RANBP2: variants seen among roughly 807,000 people sequenced by gnomAD.
RANBP2 encodes E3 SUMO-protein ligase RanBP2.
A neutral mutation model predicts 303.6 loss-of-function variants in RANBP2; 57 were observed. That is an observed-to-expected ratio of 0.19 (90% CI 0.15 to 0.23). RANBP2 has a LOEUF of 0.23. RANBP2 is among the 10% of genes least tolerant of loss of function. RANBP2 has a pLI of 1.00. For missense variants in RANBP2, 3,138 were observed against 3,780.8 expected (o/e 0.83, Z 4.46); for synonymous variants, 1,167 against 1,301.5 (o/e 0.90, Z 2.23).
the RANBP2 span, among the ~76,000 whole-genome samples, chr2:109,203,226 C>T: frequency 4.8e-3 from 728 of 152,300 alleles, 4 homozygotes; most frequent in Non-Finnish European, 8.9e-3. Flanking sequence ...CCAGGAGCCT[C>T]TTCAGAGAGC....
rs751767647 is a variant in RANBP2 at position 108,766,517 on chromosome 2, C to G, written c.5978C>G (p.Ser1993Cys). 6.2e-7 allele frequency: 1 copy of G among 1,611,916 alleles called. No individual in the cohort carries two copies. The highest frequency in any genetic ancestry group is 1.3e-5 in the African/African-American group (1 of 74,938). Reference protein sequence around the residue: ...YGKMANKANTSGDFEKDDDAY... With the variant: ...YGKMANKANTCGDFEKDDDAY... ...AAAATGGCCAATAAAGCAAACACTT[C>G]CGGTGACTTTGAGAAAGATGATGAT... The change falls in exon 20 of 29, where the codon TCC becomes TGC. Residue 1993 changes from serine to cysteine, a missense_variant. Physicochemically the swap from Ser to Cys is moderately radical, Grantham distance 112. Transcript: ENST00000283195.
the RANBP2 span, among the ~76,000 whole-genome samples, chr2:109,711,485 C>G: frequency 6.6e-6 from 1 of 152,182 alleles, no homozygotes; most frequent in Non-Finnish European, 1.5e-5. Context: ...TCTTGTTTCA[C>G]AAGCCTCCAG....
chr2:108,966,297 T>A, the RANBP2 span, among the ~76,000 whole-genome samples: 3 of 152,222 alleles, frequency 2.0e-5, no homozygotes, highest in Non-Finnish European at 2.9e-5. Flanking sequence ...AGTCAGATGA[T>A]CTTTGCAATT....
the RANBP2 span, among the ~76,000 whole-genome samples, chr2:109,063,543 C>T: frequency 5.3e-5 from 8 of 152,250 alleles, no homozygotes; most frequent in Non-Finnish European, 1.2e-4. Flanking sequence ...GCTCCACAGG[C>T]GCGACAGGGA....
At chr2:109,508,063 C>T in the RANBP2 span, among the ~76,000 whole-genome samples, 1 of 152,126 alleles carries the variant, frequency 6.6e-6, no homozygotes, top group Non-Finnish European at 1.5e-5. Context: ...CTGCCCTCCA[C>T]GTGGCTCCTT....
chr2:109,449,512 G>A, the RANBP2 span: 3 of 1,609,196 alleles, frequency 1.9e-6, no homozygotes, highest in Non-Finnish European at 2.5e-6. Flanking sequence ...TCCTGGACGA[G>A]CCCTGGGCTC....
chr2:108,910,521 T>G, the RANBP2 span: 1 of 1,613,496 alleles, frequency 6.2e-7, no homozygotes, highest in South Asian at 1.1e-5. Context: ...TCGGAGAACA[T>G]CACCACGTTG....
chr2:109,615,031 A>G, the RANBP2 span: 3 of 1,547,740 alleles, frequency 1.9e-6, no homozygotes, highest in Non-Finnish European at 2.6e-6. Flanking sequence ...CTCCCGCCAC[A>G]TGGCTGCGAG....
the RANBP2 span, among the ~76,000 whole-genome samples, chr2:109,670,393 T>C: frequency 1.3e-5 from 2 of 150,718 alleles, no homozygotes; most frequent in Non-Finnish European, 3.0e-5. Flanking sequence ...GGGGATACTA[T>C]CTGGGGTTGC....
At chr2:109,113,096 AG>A in the RANBP2 span, among the ~76,000 whole-genome samples, 1 of 152,160 alleles carries the variant, frequency 6.6e-6, no homozygotes, top group African/African-American at 2.4e-5. Context: ...CTTTTGGCTT[AG>A]GATTGACTTG....
chr2:109,271,400 T>A, the RANBP2 span, among the ~76,000 whole-genome samples: 6 of 152,176 alleles, frequency 3.9e-5, no homozygotes, highest in East Asian at 1.2e-3. Context: ...AACTGTAGAG[T>A]AAAAACATTT....
intron 23 of RANBP2, among the ~76,000 whole-genome samples, chr2:108,774,961 G>A (rs927115341): frequency 6.6e-6 from 1 of 151,792 alleles, no homozygotes; most frequent in Non-Finnish European, 1.5e-5. Flanking sequence ...CAAAGTGCTG[G>A]GATTGCAGGC....
chr2:108,757,537 A>C (rs1400226690), intron 17 of RANBP2, among the ~76,000 whole-genome samples: 2 of 152,248 alleles, frequency 1.3e-5, no homozygotes, highest in East Asian at 3.8e-4. Flanking sequence ...AATTCTCTGC[A>C]GCTACTACTT....
chr2:108,802,836 T>C, the RANBP2 span, among the ~76,000 whole-genome samples: 1 of 152,194 alleles, frequency 6.6e-6, no homozygotes, highest in Non-Finnish European at 1.5e-5. Context: ...GTTTTCAGCA[T>C]GAAGGGTTGT....
the RANBP2 span, among the ~76,000 whole-genome samples, chr2:108,795,086 A>T: frequency 6.6e-6 from 1 of 150,906 alleles, no homozygotes; most frequent in Admixed American, 6.6e-5. Flanking sequence ...GTCAACTCTC[A>T]TCAAAATTGA....
At chr2:109,508,962 TTC>T in the RANBP2 span, among the ~76,000 whole-genome samples, 1 of 152,202 alleles carries the variant, frequency 6.6e-6, no homozygotes, top group Admixed American at 6.5e-5. Context: ...CCCAGAGCGC[TTC>T]CTCTGGACGT....
At chr2:109,589,276 TA>T in the RANBP2 span, among the ~76,000 whole-genome samples, 1 of 152,072 alleles carries the variant, frequency 6.6e-6, no homozygotes. Flanking sequence ...CTCATGCCTA[TA>T]ATCTCAGCAC....
At chr2:109,297,255 T>C in the RANBP2 span, among the ~76,000 whole-genome samples, 31 of 152,062 alleles carry the variant, frequency 2.0e-4, no homozygotes, top group African/African-American at 7.5e-4. Context: ...ATCATCATCG[T>C]CATCACTGTT....
chr2:109,635,896 A>C, the RANBP2 span, among the ~76,000 whole-genome samples: 2 of 152,238 alleles, frequency 1.3e-5, no homozygotes, highest in African/African-American at 4.8e-5. Context: ...GTGCTATGGC[A>C]TGAATGTTGG....
Sources: allele counts gnomAD v4.1 joint callset (sites outside exome capture counted in the v4.1 genomes callset), GRCh38; gene constraint gnomAD v4.1.1; transcripts MANE v1.5; gene names NCBI Gene and HGNC (gene_info 2026-07-23, HGNC 2026-07-21).